Variants in STAB2 observed in about 807,000 individuals in gnomAD.
STAB2 encodes stabilin-2.
In STAB2, 288 loss-of-function variants were observed where a neutral mutation model predicts 338.1. The ratio of observed to expected loss-of-function variants is 0.85; its 90% CI spans 0.77 to 0.94. STAB2 has a LOEUF of 0.94. Ranked by LOEUF, STAB2 falls within the 40% of genes least tolerant of loss-of-function variation. STAB2 has a pLI of 0.00. For synonymous variants in STAB2, 1,202 were observed against 1,193.3 expected (o/e 1.01, Z -0.15); for missense variants, 3,141 against 3,210.1 (o/e 0.98, Z 0.52).
intron 68 of STAB2, among the ~76,000 whole-genome samples, chr12:103,764,935 T>TACAAATACAG (rs1884812664): frequency 6.6e-6 from 1 of 151,156 alleles, no homozygotes; most frequent in Admixed American, 6.6e-5. Context: ...CCATGTCTAC[T>TACAAATACAG]AAATTAGGCA....
At position 103,609,760 on chromosome 12, in the gene STAB2, T is replaced by C. The variant is rs572347388; in HGVS notation, c.332-10708T>C. Among the ~76,000 whole-genome samples, 8 of 152,302 alleles carry C rather than the reference T, an allele frequency of 5.3e-5. No homozygotes were observed. The South Asian group carries it at 8.3e-4, about 16-fold the overall frequency. On this transcript the variant is annotated intron_variant, in intron 3 of 68. Coordinates refer to ENST00000388887, the MANE Select transcript of STAB2 (RefSeq NM_017564.10). ...GTGGTGAGAGAGGACATCCCTGTCTTGTGCCAGTTTTCAAAGGGAATGCTT... is the reference window on the plus strand; with the variant it reads ...GTGGTGAGAGAGGACATCCCTGTCTCGTGCCAGTTTTCAAAGGGAATGCTT...
rs1881763623 is a variant in STAB2, at chr12:103,733,048, CCA to C, written c.5327_5328del (p.Pro1776ArgfsTer17). 6.2e-7 allele frequency: 1 copy of C among 1,614,046 alleles called. No individual in the cohort carries two copies. Among genetic ancestry groups the C allele is most frequent in the Non-Finnish European group, 8.5e-7 (1 of 1,179,992 alleles). The part of the protein sequence containing the change: ...LSVITDPIHT[P>X]VTLFWPTDQA... ...TGTCATCACCGATCCCATCCACACCCCAGTCACTCTCTTCTGGCCCACCGACC... is the reference window on the plus strand; with the variant it reads ...TGTCATCACCGATCCCATCCACACCCGTCACTCTCTTCTGGCCCACCGACC... On this transcript the variant is annotated frameshift_variant, in exon 51 of 69. Transcript: ENST00000388887. LOFTEE classifies it high-confidence loss of function.
At chr12:103,681,361 C>G (rs1244043930) in intron 25 of STAB2, among the ~76,000 whole-genome samples, 1 of 152,162 alleles carries the variant, frequency 6.6e-6, no homozygotes, top group Non-Finnish European at 1.5e-5. Flanking sequence ...GTGCCACAAA[C>G]TAGGTGGCAT....
intron 67 of STAB2, 86 bp downstream of exon 67, chr12:103,762,488 G>C: frequency 6.3e-7 from 1 of 1,593,088 alleles, no homozygotes; most frequent in Non-Finnish European, 8.6e-7. Flanking sequence ...CGGTGGCTGC[G>C]CCAGAGTCCT....
intron 48 of STAB2, 29 bp from the exon 49 acceptor site, chr12:103,730,087 A>G: frequency 6.4e-7 from 1 of 1,556,832 alleles, no homozygotes; most frequent in Non-Finnish European, 8.7e-7. Context: ...CTTTGCACTC[A>G]TTTCTTTTTT....
At chr12:103,621,325 G>T (rs950174592) in intron 4 of STAB2, among the ~76,000 whole-genome samples, 1 of 142,796 alleles carries the variant, frequency 7.0e-6, no homozygotes, top group African/African-American at 2.5e-5. Context: ...TCTTTTACCA[G>T]TTGAAGAATT....
intron 68 of STAB2, among the ~76,000 whole-genome samples, chr12:103,765,785 G>A (rs1460926705): frequency 2.3e-5 from 3 of 131,170 alleles, no homozygotes; most frequent in Admixed American, 7.8e-5. Context: ...CAAGTGATCC[G>A]CCTGCCTCAG....
In STAB2 at chr12:103,766,453, C is replaced by CCTCAT. The variant is rs1491101079; in HGVS notation, c.*121_*125dup. ...GTCCTTTAAGCACTCAGAAGCCATA[C>CCTCAT]CTCATCTCTCTGGCTGATCTGGGGG... On this transcript the variant is annotated 3_prime_UTR_variant, in exon 69 of 69. Coordinates refer to ENST00000388887, the MANE Select transcript of STAB2 (RefSeq NM_017564.10). The CCTCAT allele has an allele frequency of 8.4e-7, 1 of 1,185,716 alleles. No homozygotes were observed. Among genetic ancestry groups the CCTCAT allele is most frequent in the African/African-American group, 1.5e-5 (1 of 64,944 alleles). 73.4% of individuals were successfully genotyped at this position (1,185,716 alleles called of 1,614,324 possible).
rs1395056125 is a variant in STAB2, at chr12:103,706,782, TC to T, written c.3997-9del. On this transcript the variant is annotated splice_polypyrimidine_tract_variant and intron_variant, in intron 37 of 68. Coordinates refer to ENST00000388887, the MANE Select transcript of STAB2 (RefSeq NM_017564.10). ...GAAGTGCGTTGTCAAGCTTTGTCCTTCTGTTTCAGACGAGAGAATGCTGTGC... is the reference window on the plus strand; with the variant it reads ...GAAGTGCGTTGTCAAGCTTTGTCCTTTGTTTCAGACGAGAGAATGCTGTGC... 1.9e-6 allele frequency: 3 copies of T among 1,614,202 alleles called. No homozygotes were observed. The highest frequency in any genetic ancestry group is 2.5e-6 in the Non-Finnish European group (3 of 1,180,024).
At chr12:103,661,474 A>G (rs1352606135) in intron 17 of STAB2, among the ~76,000 whole-genome samples, 4 of 152,246 alleles carry the variant, frequency 2.6e-5, no homozygotes, top group African/African-American at 7.2e-5. Flanking sequence ...AGACAGACCA[A>G]TGAACAAACA....
chr12:103,588,949 TC>T (rs1363983451), intron 1 of STAB2, among the ~76,000 whole-genome samples: 1 of 152,208 alleles, frequency 6.6e-6, no homozygotes, highest in Non-Finnish European at 1.5e-5. Context: ...ATTTCAGTTT[TC>T]TATACTCCAC....
rs776259908 is a variant in STAB2 at position 103,631,619 on chromosome 12, T to C, written c.509T>C (p.Val170Ala). 3.5e-5 allele frequency: 56 copies of C among 1,613,990 alleles called. No homozygotes were observed. Among genetic ancestry groups the C allele is most frequent in the Non-Finnish European group, 4.7e-5 (56 of 1,180,026 alleles). The change falls in exon 6 of 69, where the codon GTG (valine) becomes GCG (alanine). Residue 170 changes from valine to alanine, a missense_variant. Coordinates refer to ENST00000388887, the MANE Select transcript of STAB2 (RefSeq NM_017564.10). Reference protein sequence around the residue: ...CSSVCNCVHGVCNSGLDGDGT... With the variant: ...CSSVCNCVHGACNSGLDGDGT... ...CCAGTGTGCAACTGTGTGCATGGGG[T>C]GTGCAACAGTGGACTAGATGGCGAT...
intron 3 of STAB2, among the ~76,000 whole-genome samples, chr12:103,598,218 T>C (rs1364637351): frequency 1.3e-5 from 2 of 152,348 alleles, no homozygotes; most frequent in Non-Finnish European, 2.9e-5. Flanking sequence ...TGCCTAGCAC[T>C]GTTCACCAAG....
chr12:103,590,838 G>C, intron 1 of STAB2, 59 bp from the exon 2 acceptor site: 1 of 1,604,002 alleles, frequency 6.2e-7, no homozygotes, highest in African/African-American at 1.3e-5. Context: ...GGCCATGCTA[G>C]ATGTTTTGCA....
Position 103,750,633 on chromosome 12 carries a change from G to A in STAB2, c.6493G>A (p.Glu2165Lys). The A allele has an allele frequency of 1.2e-6, 2 of 1,614,218 alleles. No homozygotes were observed. The highest frequency in any genetic ancestry group is 1.7e-6 in the Non-Finnish European group (2 of 1,180,030). Reference protein sequence around the residue: ...SHYVGDGLNCEPEQLPIDRCL... With the variant: ...SHYVGDGLNCKPEQLPIDRCL... ...CTATGTCGGAGATGGGCTGAACTGT[G>A]AGCCGGAGCAGCTGCCCATTGACCG... The change falls in exon 60 of 69, where the codon GAG becomes AAG. Residue 2165 changes from glutamate (E) to lysine (K), a missense_variant. Transcript: ENST00000388887.
chr12:103,632,374 G>A (rs1329656659), intron 6 of STAB2, among the ~76,000 whole-genome samples: 5 of 152,298 alleles, frequency 3.3e-5, no homozygotes, highest in Non-Finnish European at 2.9e-5. Context: ...TGGGGTGGCC[G>A]TCCCCAAGGC....
chr12:103,731,387 A>G (rs1435173187), intron 49 of STAB2, among the ~76,000 whole-genome samples, 189 bp from the exon 50 acceptor site: 1 of 152,232 alleles, frequency 6.6e-6, no homozygotes, highest in Non-Finnish European at 1.5e-5. Context: ...GGGAAAAAGT[A>G]GCGCTTAGCC....
intron 6 of STAB2, 143 bp downstream of exon 6, chr12:103,631,836 A>G (rs985088915): frequency 1.4e-6 from 1 of 698,518 alleles, no homozygotes; most frequent in Non-Finnish European, 2.4e-6. Context: ...AATTAAAAAG[A>G]GAATATAGAA....
intron 18 of STAB2, 29 bp downstream of exon 18, chr12:103,663,027 C>T: frequency 6.2e-7 from 1 of 1,612,318 alleles, no homozygotes; most frequent in Non-Finnish European, 8.5e-7. Context: ...TAAGTAAGGG[C>T]CCCAAACAGC....
Sources: gnomAD v4.1 joint callset for allele counts (sites outside exome capture counted in the v4.1 genomes callset) on GRCh38, gnomAD v4.1.1 for gene constraint, MANE v1.5 for transcripts, NCBI Gene and HGNC (gene_info 2026-07-23, HGNC 2026-07-21) for gene names.